VPS9D1: variants seen among roughly 807,000 people sequenced by gnomAD.
The protein encoded by VPS9D1 is VPS9 domain-containing protein 1.
In VPS9D1, 78 loss-of-function variants were observed where a neutral mutation model predicts 75.8. That is an observed-to-expected ratio of 1.03 (90% CI 0.86 to 1.24). The LOEUF (loss-of-function observed/expected upper bound fraction) is 1.24. Among genes scored for constraint, VPS9D1 ranks in the 50% most tolerant of loss-of-function variants. The pLI is 0.00. For synonymous variants in VPS9D1, 481 were observed against 385.6 expected (o/e 1.25, Z -2.90); for missense variants, 1,057 against 847.7 (o/e 1.25, Z -3.07).
chr16:89,713,481 C>T (rs2060989047), intron 4 of VPS9D1, among the ~76,000 whole-genome samples: 1 of 151,574 alleles, frequency 6.6e-6, no homozygotes. Flanking sequence ...GTCTTGATCT[C>T]CTGACCTCGT....
intron 11 of VPS9D1, 87 bp downstream of exon 11, chr16:89,709,690 A>G (rs778547757): frequency 3.1e-6 from 5 of 1,591,144 alleles, no homozygotes; most frequent in Non-Finnish European, 4.3e-6. Flanking sequence ...AGGGGAGCAG[A>G]CAGTGCCAGG....
chr16:89,712,162 C>T (rs1309636038), intron 6 of VPS9D1, 63 bp from the exon 7 acceptor site: 1 of 1,544,812 alleles, frequency 6.5e-7, no homozygotes. Flanking sequence ...CCAACCCCGT[C>T]CCACACCCGG....
Position 89,720,745 on chromosome 16 carries a change from G to A in VPS9D1, c.99+18C>T, listed in dbSNP as rs1012569498. On this transcript the variant is annotated intron_variant, in intron 1 of 14. Transcript: ENST00000389386. ...GGGCCACCCTCAGCGGCCAAGCCCC[G>A]CCCCCGCCCCGCCTCACCCGGGGCC... 1.4e-6 allele frequency: 2 copies of A among 1,431,454 alleles called. No individual in the cohort carries two copies. The highest frequency in any genetic ancestry group is 1.5e-5 in the African/African-American group (1 of 67,368). 88.7% of individuals were successfully genotyped at this position (1,431,454 alleles called of 1,614,324 possible).
rs756432520 is a variant in VPS9D1 at position 89,709,764 on chromosome 16, G to T, written c.1388+13C>A. The T allele has an allele frequency of 1.9e-6, 3 of 1,613,346 alleles. No individual in the cohort carries two copies. Among genetic ancestry groups the T allele is most frequent in the African/African-American group, 2.7e-5 (2 of 74,910 alleles). On this transcript the variant is annotated intron_variant, in intron 11 of 14. Transcript: ENST00000389386. ...ACTAGGCCACGCAGGTGGTTGTACA[G>T]CTGGGTCCATACCTGTACAGGGCCA...
chr16:89,714,689 G>A (rs554917391), intron 4 of VPS9D1, among the ~76,000 whole-genome samples: 3 of 152,304 alleles, frequency 2.0e-5, no homozygotes, highest in Non-Finnish European at 4.4e-5. Context: ...ATCAGTTCTA[G>A]ACAACTGTCT....
chr16:89,709,019 T>TCCCC, intron 12 of VPS9D1, 63 bp from the exon 13 acceptor site: 3 of 1,290,652 alleles, frequency 2.3e-6, no homozygotes, highest in Non-Finnish European at 3.0e-6. Context: ...CCACCCCTTA[T>TCCCC]ACCCCGCCCA....
intron 4 of VPS9D1, among the ~76,000 whole-genome samples, chr16:89,716,238 C>T (rs982224163): frequency 6.6e-5 from 10 of 151,930 alleles, no homozygotes; most frequent in East Asian, 1.9e-4. Context: ...TGGTGGTGGG[C>T]GCCTGTAGTC....
Position 89,708,945 on chromosome 16 carries a change from G to T in VPS9D1, c.1609C>A (p.Arg537=), listed in dbSNP as rs1043612185. 6 of 1,601,726 alleles carry T rather than the reference G, an allele frequency of 3.7e-6. No individual in the cohort carries two copies. The highest frequency in any genetic ancestry group is 5.1e-6 in the Non-Finnish European group (6 of 1,175,740). ...TCTTCCGCACAGACACAGATGATCC[G>T]CAGGGTCCGCACTGCGCCCCAGACA... ...KKLECIVRTL[R]IICVCAEDYC... Residue 537 remains arginine, a synonymous_variant, in exon 13 of 15, where the codon CGG becomes AGG. Transcript: ENST00000389386.
In VPS9D1 at chr16:89,716,500, G is replaced by A; in HGVS notation, c.393C>T (p.Phe131=). The change falls in exon 4 of 15, where the codon TTC becomes TTT. Residue 131 remains phenylalanine (F), a synonymous_variant. Transcript: ENST00000389386. ...GTGACTCTGCCCCCTGAAGCTTCTG[G>A]AAGATCTCGGGTGGCAGAAAAGGAG... ...KLSPFLPPEI[F]QKLQGAESQS... is the part of the protein sequence containing the mutation. 3 of 1,614,050 alleles carry A rather than the reference G, an allele frequency of 1.9e-6. No homozygotes were observed. The highest frequency in any genetic ancestry group is 2.5e-6 in the Non-Finnish European group (3 of 1,179,992).
rs187973157 is a variant in VPS9D1, at chr16:89,716,302, G to T, written c.431+160C>A. ...AATGGTGTGAACCCGGGAGGTGGAGGTTGCCGTGAGCCAAGATTGAGCCGC... is the reference window on the plus strand; with the variant it reads ...AATGGTGTGAACCCGGGAGGTGGAGTTTGCCGTGAGCCAAGATTGAGCCGC... On this transcript the variant is annotated intron_variant, in intron 4 of 14. Transcript: ENST00000389386. Among the ~76,000 whole-genome samples the T allele has an allele frequency of 4.3e-4, 65 of 152,136 alleles. 1 individual carries two copies. The South Asian group carries it at 8.1e-3, about 19-fold the overall frequency.
intron 2 of VPS9D1, among the ~76,000 whole-genome samples, chr16:89,718,525 A>T (rs1348197368): frequency 6.6e-6 from 1 of 152,072 alleles, no homozygotes; most frequent in South Asian, 2.1e-4. Flanking sequence ...CCATCTTCTT[A>T]TCCACAACGC....
chr16:89,719,412 T>C (rs56112321), intron 1 of VPS9D1: 104,902 of 506,146 alleles, frequency 0.21, 11,950 homozygotes, highest in Middle Eastern at 0.28. Flanking sequence ...GGAACTGATA[T>C]TCTCATTCAG....
chr16:89,716,488 C>G lies in VPS9D1; in HGVS notation c.405G>C (p.Gln135His). The G allele has an allele frequency of 6.2e-7, 1 of 1,614,118 alleles. No individual in the cohort carries two copies. The highest frequency in any genetic ancestry group is 8.5e-7 in the Non-Finnish European group (1 of 1,180,020). The change falls in exon 4 of 15, where the codon CAG becomes CAC. Residue 135 changes from glutamine (Q) to histidine (H), a missense_variant. Gln to His is a conservative substitution (Grantham distance 24, BLOSUM62 0). Coordinates refer to ENST00000389386, the MANE Select transcript of VPS9D1 (RefSeq NM_004913.3). ...TCTTACAGCTTTGTGACTCTGCCCC[C>G]TGAAGCTTCTGGAAGATCTCGGGTG... is the stretch of plus-strand genomic sequence containing the variant. ...FLPPEIFQKL[Q>H]GAESQSCKKE...
intron 8 of VPS9D1, 116 bp downstream of exon 8, chr16:89,711,766 C>G: frequency 7.8e-7 from 1 of 1,277,554 alleles, no homozygotes; most frequent in South Asian, 1.5e-5. Flanking sequence ...GCCCCGCCCC[C>G]TCACTGCCCC....
Position 89,711,424 on chromosome 16 carries a change from G to C in VPS9D1, c.748-12C>G. On this transcript the variant is annotated splice_polypyrimidine_tract_variant and intron_variant, in intron 8 of 14. Transcript: ENST00000389386. ...TGCTTCGGCCAGTCCTACGGGACAG[G>C]GGGCCTTGAAGGAAAGCACGGTGGG... The C allele has an allele frequency of 6.3e-7, 1 of 1,598,466 alleles. No individual in the cohort carries two copies. The highest frequency in any genetic ancestry group is 1.7e-5 in the Admixed American group (1 of 57,796).
chr16:89,709,559 C>T (rs900406399), intron 11 of VPS9D1, 124 bp from the exon 12 acceptor site: 20 of 1,291,292 alleles, frequency 1.5e-5, no homozygotes, highest in African/African-American at 4.5e-5. Flanking sequence ...AAAGCCCCAG[C>T]GTTGCCAAGA....
intron 10 of VPS9D1, 31 bp downstream of exon 10, chr16:89,710,555 G>A (rs368036101): frequency 1.9e-6 from 3 of 1,559,416 alleles, no homozygotes; most frequent in African/African-American, 1.4e-5. Flanking sequence ...GAAGAGCTGC[G>A]GCGGCTCTCC....
At chr16:89,719,513 G>A (rs1567555703) in intron 1 of VPS9D1, 2 of 366,356 alleles carry the variant, frequency 5.5e-6, no homozygotes, top group Non-Finnish European at 1.1e-5. Context: ...GATTCATTCA[G>A]TGGCTTAAAA....
In VPS9D1 at chr16:89,708,416, C is replaced by T. The variant is rs769482762; in HGVS notation, c.1802+11G>A. 5.6e-6 allele frequency: 9 copies of T among 1,607,472 alleles called. No homozygotes were observed. In the African/African-American group the frequency reaches 1.1e-4, roughly 19 times the overall value. On this transcript the variant is annotated intron_variant, in intron 14 of 14. Transcript: ENST00000389386. ...GCACAGAGACCCCCACCCTGACCCGCCAGGGTCTACCCCTCGTGGATGAAC... is the reference window on the plus strand; with the variant it reads ...GCACAGAGACCCCCACCCTGACCCGTCAGGGTCTACCCCTCGTGGATGAAC...
Sources: gnomAD v4.1 joint callset for allele counts (sites outside exome capture counted in the v4.1 genomes callset) on GRCh38, gnomAD v4.1.1 for gene constraint, MANE v1.5 for transcripts, NCBI Gene and HGNC (gene_info 2026-07-23, HGNC 2026-07-21) for gene names.